Variants in NPAS2 observed in about 807,000 individuals in gnomAD.
NPAS2 encodes neuronal PAS domain-containing protein 2.
In NPAS2, 23 loss-of-function variants were observed where a neutral mutation model predicts 107.5. That is an observed-to-expected ratio of 0.21 (90% CI 0.15 to 0.30). The LOEUF is 0.30. Ranked by LOEUF, NPAS2 falls within the 10% of genes least tolerant of loss-of-function variation. The pLI is 1.00. For synonymous variants in NPAS2, 403 were observed against 417.5 expected, an observed-to-expected ratio of 0.97 and a Z score of 0.42; for missense variants, 756 against 1,043.3, an observed-to-expected ratio of 0.72 and a Z score of 3.79.
intron 1 of NPAS2, among the ~76,000 whole-genome samples, chr2:100,891,880 G>A (rs1283453968): frequency 1.3e-5 from 2 of 152,208 alleles, no homozygotes; most frequent in Non-Finnish European, 2.9e-5. Flanking sequence ...CAGTTCCATG[G>A]AGGGAGATGC....
chr2:100,836,968 A>G (rs1677109441), intron 1 of NPAS2, among the ~76,000 whole-genome samples: 1 of 152,246 alleles, frequency 6.6e-6, no homozygotes, highest in Admixed American at 6.5e-5. Context: ...AACTAAAACC[A>G]AGAATACCTT....
chr2:100,948,423 A>G, intron 6 of NPAS2, 68 bp downstream of exon 6: 1 of 1,411,286 alleles, frequency 7.1e-7, no homozygotes, highest in South Asian at 1.3e-5. Context: ...GGAGGTTAGA[A>G]TGAATTAAGA....
chr2:100,940,327 G>T (rs1241863839), intron 5 of NPAS2, among the ~76,000 whole-genome samples: 1 of 152,204 alleles, frequency 6.6e-6, no homozygotes, highest in Non-Finnish European at 1.5e-5. Context: ...CCCAGGATTT[G>T]GGTCATAATT....
At chr2:100,938,075 T>G (rs1324961450) in intron 5 of NPAS2, among the ~76,000 whole-genome samples, 2 of 152,170 alleles carry the variant, frequency 1.3e-5, no homozygotes, top group African/African-American at 2.4e-5. Context: ...AGGCAAGGCC[T>G]GGAGTGGGAG....
chr2:100,995,293 G>GC, intron 20 of NPAS2, 107 bp from the exon 21 acceptor site: 1 of 982,420 alleles, frequency 1.0e-6, no homozygotes, highest in Non-Finnish European at 1.5e-6. Context: ...AAGAAAGACA[G>GC]CCCTGTAGTC....
intron 1 of NPAS2, among the ~76,000 whole-genome samples, chr2:100,903,716 C>T (rs549810911): frequency 7.2e-5 from 11 of 152,274 alleles, no homozygotes; most frequent in Admixed American, 2.0e-4. Context: ...ACACTTTGCC[C>T]TCCCAGCCAC....
At chr2:100,863,567 A>G (rs890491396) in intron 1 of NPAS2, among the ~76,000 whole-genome samples, 4 of 152,184 alleles carry the variant, frequency 2.6e-5, no homozygotes, top group Non-Finnish European at 4.4e-5. Context: ...ATGGGGAATT[A>G]TATCTAATGG....
chr2:100,928,759 A>G (rs1467640934), intron 3 of NPAS2, among the ~76,000 whole-genome samples: 2 of 152,266 alleles, frequency 1.3e-5, no homozygotes, highest in African/African-American at 4.8e-5. Flanking sequence ...CTTTACTTGC[A>G]GTCCAAATGG....
chr2:100,933,010 C>T lies in NPAS2; in HGVS notation c.273+9C>T. 1 of 1,598,024 alleles carries T rather than the reference C, an allele frequency of 6.3e-7. No individual in the cohort carries two copies. The highest frequency in any genetic ancestry group is 8.6e-7 in the Non-Finnish European group (1 of 1,165,282). On this transcript the variant is annotated intron_variant, in intron 4 of 20. Coordinates refer to ENST00000335681, the MANE Select transcript of NPAS2 (RefSeq NM_002518.4). ...CCCAGCTGATGTTGGAGGTGAAATG[C>T]ACTTTCAAAATAGCTTAAACAGTTG...
chr2:100,824,894 G>A (rs1048250157), intron 1 of NPAS2, among the ~76,000 whole-genome samples: 19 of 152,200 alleles, frequency 1.2e-4, no homozygotes, highest in South Asian at 2.1e-4. Flanking sequence ...ATGTTTAGGG[G>A]GAAGGAAAAG....
chr2:100,854,736 G>A (rs1678449222), intron 1 of NPAS2, among the ~76,000 whole-genome samples: 1 of 152,166 alleles, frequency 6.6e-6, no homozygotes, highest in African/African-American at 2.4e-5. Flanking sequence ...GGAATCCACA[G>A]GAAATAAATG....
chr2:100,818,785 G>A (rs1470741790), upstream of NPAS2, among the ~76,000 whole-genome samples: 4 of 152,248 alleles, frequency 2.6e-5, no homozygotes, highest in African/African-American at 9.6e-5. Context: ...TCGGAGCGCT[G>A]CGCCAGGCCA....
chr2:100,884,151 G>A (rs1033378659), intron 1 of NPAS2, among the ~76,000 whole-genome samples: 1 of 152,164 alleles, frequency 6.6e-6, no homozygotes, highest in Non-Finnish European at 1.5e-5. Flanking sequence ...GATCTGTGGG[G>A]CATTTTGCAA....
At position 100,820,938 on chromosome 2, in the gene NPAS2, C is replaced by G. The variant is rs1394928014; in HGVS notation, c.-23+524C>G. The G allele has an allele frequency of 1.2e-6, 1 of 848,564 alleles. No individual in the cohort carries two copies. Among genetic ancestry groups the G allele is most frequent in the African/African-American group, 1.8e-5 (1 of 54,950 alleles). 52.6% of individuals were successfully genotyped at this position (848,564 alleles called of 1,614,324 possible). A position where few individuals can be genotyped will look rare whatever the true frequency, so the allele number is the denominator to read the frequency against. ...CCGGATTGGGTGCGGAATCGGTGCC[C>G]CCAACCCCCGTGTGCGCAGACAGCG... On this transcript the variant is annotated intron_variant, in intron 1 of 20. Transcript: ENST00000335681. The surrounding 1 kb of genome is among the most constrained non-coding windows in gnomAD (Gnocchi z 5.6).
chr2:100,965,610 C>G lies in NPAS2; in HGVS notation c.801-50C>G, dbSNP rs761466556. On this transcript the variant is annotated intron_variant, in intron 9 of 20. Transcript: ENST00000335681. The surrounding 1 kb of genome is among the most constrained non-coding windows in gnomAD (Gnocchi z 4.3). ...GAAAGGCATGGCCACCAGGGTGAGC[C>G]CTGCAGGGTGTCTCCTCCCTGATGA... The G allele has an allele frequency of 3.2e-6, 4 of 1,235,962 alleles. No homozygotes were observed. Among genetic ancestry groups the G allele is most frequent in the Non-Finnish European group, 3.6e-6 (3 of 842,744 alleles). 76.6% of individuals were successfully genotyped at this position (1,235,962 alleles called of 1,614,324 possible).
chr2:100,960,589 C>G (rs574487343), intron 7 of NPAS2, among the ~76,000 whole-genome samples: 1 of 152,208 alleles, frequency 6.6e-6, no homozygotes, highest in South Asian at 2.1e-4. Context: ...TGCAGCAGGC[C>G]TCCTGCTGAC....
intron 1 of NPAS2, among the ~76,000 whole-genome samples, chr2:100,831,129 T>G (rs1270084355): frequency 6.6e-6 from 1 of 151,844 alleles, no homozygotes; most frequent in Non-Finnish European, 1.5e-5. Flanking sequence ...GTGAAACCGC[T>G]TCTGTACTAA....
intron 1 of NPAS2, among the ~76,000 whole-genome samples, chr2:100,843,826 A>G (rs892563708): frequency 3.9e-5 from 6 of 152,292 alleles, no homozygotes; most frequent in South Asian, 2.1e-4. Flanking sequence ...TCCTTTTCAG[A>G]GTGTCCTTTA....
intron 1 of NPAS2, among the ~76,000 whole-genome samples, chr2:100,864,726 T>C (rs1023745217): frequency 1.3e-4 from 20 of 152,194 alleles, no homozygotes; most frequent in African/African-American, 4.8e-4. Flanking sequence ...ATGTTGAAAA[T>C]TTAGAGCAGC....
Sources: allele counts gnomAD v4.1 joint callset (sites outside exome capture counted in the v4.1 genomes callset), GRCh38; gene constraint gnomAD v4.1.1; non-coding constraint Gnocchi (gnomAD v3.1); transcripts MANE v1.5; gene names NCBI Gene and HGNC (gene_info 2026-07-23, HGNC 2026-07-21).